LAMB2: variants seen among roughly 807,000 people sequenced by gnomAD.
LAMB2 encodes the protein laminin subunit beta 2.
In LAMB2, 119 loss-of-function variants were observed where a neutral mutation model predicts 202.7. The ratio of observed to expected loss-of-function variants is 0.59; its 90% confidence interval spans 0.51 to 0.68. The LOEUF (loss-of-function observed/expected upper bound fraction) is 0.68. Among genes scored for constraint, LAMB2 ranks in the 30% least tolerant of loss-of-function variants. LAMB2 has a pLI of 0.00. For synonymous variants in LAMB2, 818 were observed against 902.2 expected (o/e 0.91, Z 1.67); for missense variants, 2,124 against 2,410.6 (o/e 0.88, Z 2.49).
chr3:49,126,279 T>G (rs2045414008), intron 16 of LAMB2, 86 bp downstream of exon 16: 2 of 1,607,788 alleles, frequency 1.2e-6, no homozygotes, highest in African/African-American at 2.7e-5. Context: ...GGCCTGCCTC[T>G]TCTGCCACAG....
Position 49,133,031 on chromosome 3 carries a change from A to G in LAMB2, c.-164T>C. 1.5e-6 allele frequency: 1 copy of G among 645,462 alleles called. No individual in the cohort carries two copies. The highest frequency in any genetic ancestry group is 2.8e-6 in the Non-Finnish European group (1 of 362,438). 40.0% of individuals were successfully genotyped at this position (645,462 alleles called of 1,614,324 possible). Reference sequence around the variant, plus strand: ...TGTCCAGCGGTCCCTCCGACAGCTTAGAGTCCAGCGACTTTGAGCAAAGTT... The same window carrying G: ...TGTCCAGCGGTCCCTCCGACAGCTTGGAGTCCAGCGACTTTGAGCAAAGTT... On this transcript the variant is annotated 5_prime_UTR_variant, in exon 1 of 32. Coordinates refer to ENST00000305544, the MANE Select transcript of LAMB2 (RefSeq NM_002292.4).
chr3:49,125,211 C>G (rs534949479), intron 19 of LAMB2, 42 bp from the exon 20 acceptor site: 22 of 1,613,496 alleles, frequency 1.4e-5, no homozygotes, highest in South Asian at 7.7e-5. Flanking sequence ...CCCTGGGAAG[C>G]CTGCCCACCA....
At position 49,122,171 on chromosome 3, in the gene LAMB2, C is replaced by A. The variant is rs771035328; in HGVS notation, c.4773G>T (p.Arg1591=). 1.9e-6 allele frequency: 3 copies of A among 1,613,478 alleles called. No homozygotes were observed. The African/African-American group carries it at 4.0e-5, about 22-fold the overall frequency. The change falls in exon 28 of 32, where the codon CGG becomes CGT. Residue 1591 remains arginine (R), a synonymous_variant. Transcript: ENST00000305544. Reference sequence around the variant, plus strand: ...CAGGGATGGGGTCAGACCTTGCCCGCCGTGCATCCTGCAGTAGCTGCTCGG... The same window carrying A: ...CAGGGATGGGGTCAGACCTTGCCCGACGTGCATCCTGCAGTAGCTGCTCGG... ...RRAEQLLQDA[R]RARSWAEDEK...
Position 49,131,513 on chromosome 3 carries a change from C to T in LAMB2, c.648+22G>A, listed in dbSNP as rs1430288992. ...CCCATCATCCCCAGCTTCCAGCCCC[C>T]AGCCCAGATGCCAGCCCTCACCTCG... On this transcript the variant is annotated intron_variant, in intron 5 of 31. Coordinates refer to ENST00000305544, the MANE Select transcript of LAMB2 (RefSeq NM_002292.4). The surrounding 1 kb of genome is among the most constrained non-coding windows in gnomAD (Gnocchi z 5.0). 1.2e-6 allele frequency: 2 copies of T among 1,613,928 alleles called. No individual in the cohort carries two copies. Among genetic ancestry groups the T allele is most frequent in the African/African-American group, 2.7e-5 (2 of 74,924 alleles).
At position 49,129,432 on chromosome 3, in the gene LAMB2, A is replaced by G. The variant is rs1444115811; in HGVS notation, c.1519-108T>C. 8.7e-7 allele frequency: 1 copy of G among 1,155,714 alleles called. No individual in the cohort carries two copies. The highest frequency in any genetic ancestry group is 1.5e-5 in the African/African-American group (1 of 65,406). 71.6% of individuals were successfully genotyped at this position (1,155,714 alleles called of 1,614,324 possible). On this transcript the variant is annotated intron_variant, in intron 11 of 31. Transcript: ENST00000305544. This position sits in a 1 kb window ranked among gnomAD's most constrained non-coding sequence, Gnocchi z 6.1. ...TAGCCTCAATCACCCCTCAGTGAAA[A>G]CATGCCCCCCAGACCACTGGCCCAC...
In LAMB2 at chr3:49,121,976, C is replaced by T. The variant is rs1317477085; in HGVS notation, c.4891G>A (p.Asp1631Asn). The change falls in exon 29 of 32, where the codon GAC (aspartate) becomes AAC (asparagine). Residue 1631 changes from aspartate (D) to asparagine (N), a missense_variant. Around this residue, in one of 3 missense-constraint regions of LAMB2, gnomAD observed 1,702 missense variants for 1,896.3 expected, o/e 0.90. Transcript: ENST00000305544. ...AGGGTCTGCTCTGTGTCCCGTGTGT[C>T]AGCCACTGCCCCCCGGATGGCACCC... ...AQGAIRGAVA[D>N]TRDTEQTLYQ... 1.2e-6 allele frequency: 2 copies of T among 1,614,008 alleles called. No homozygotes were observed. The highest frequency in any genetic ancestry group is 2.2e-5 in the South Asian group (2 of 91,088).
chr3:49,125,172 G>T lies in LAMB2; in HGVS notation c.2721-3C>A. 6.2e-7 allele frequency: 1 copy of T among 1,613,408 alleles called. No homozygotes were observed. The highest frequency in any genetic ancestry group is 8.5e-7 in the Non-Finnish European group (1 of 1,179,924). On this transcript the variant is annotated splice_polypyrimidine_tract_variant and splice_region_variant and intron_variant, in intron 19 of 31. Transcript: ENST00000305544. Reference sequence around the variant, plus strand: ...CCCCGTGGAAACCAGCAATGCACCTGCAGGGAGGAGGAAGAAGAAATGTGT... The same window carrying T: ...CCCCGTGGAAACCAGCAATGCACCTTCAGGGAGGAGGAAGAAGAAATGTGT...
In LAMB2 at chr3:49,122,852, G is replaced by A. The variant is rs140142444; in HGVS notation, c.4425C>T (p.Ser1475=). ...RALAEGGSIL[S]RVAETRRQAS... ...CCTGCCGACGAGTCTCAGCCACTCT[G>A]CTGAGGATGCTACCACCTTCTGCCA... is the stretch of plus-strand genomic sequence containing the variant. The change falls in exon 27 of 32, where the codon AGC becomes AGT. Residue 1475 remains serine (S), a synonymous_variant. Coordinates refer to ENST00000305544, the MANE Select transcript of LAMB2 (RefSeq NM_002292.4). 2.3e-5 allele frequency: 37 copies of A among 1,611,498 alleles called. No individual in the cohort carries two copies. In the African/African-American group the frequency reaches 4.7e-4, roughly 20 times the overall value.
Position 49,130,195 on chromosome 3 carries a change from T to C in LAMB2, c.1225+36A>G. ...CAGCTCTCTAGTTCCTGCCCCAGGC[T>C]CAGCTTTCTCTCCCCGTGCCCAATC... On this transcript the variant is annotated intron_variant, in intron 9 of 31. Transcript: ENST00000305544. The surrounding 1 kb of genome is among the most constrained non-coding windows in gnomAD (Gnocchi z 5.0). 1 of 1,611,690 alleles carries C rather than the reference T, an allele frequency of 6.2e-7. No homozygotes were observed. Among genetic ancestry groups the C allele is most frequent in the Non-Finnish European group, 8.5e-7 (1 of 1,178,764 alleles).
rs755787013 is a variant in LAMB2, at chr3:49,129,019, C to T, written c.1731+1G>A. ...CCTCTGCTTAGGGGGAGGCCCCACACCTGCCCTCGGGTGTCCTCAGCCTCC... is the reference window on the plus strand; with the variant it reads ...CCTCTGCTTAGGGGGAGGCCCCACATCTGCCCTCGGGTGTCCTCAGCCTCC... On this transcript the variant is annotated splice_donor_variant, in intron 13 of 31. Coordinates refer to ENST00000305544, the MANE Select transcript of LAMB2 (RefSeq NM_002292.4). LOFTEE classifies it high-confidence loss of function. This position sits in a 1 kb window ranked among gnomAD's most constrained non-coding sequence, Gnocchi z 6.1. 5 of 1,608,404 alleles carry T rather than the reference C, an allele frequency of 3.1e-6. No homozygotes were observed. The highest frequency in any genetic ancestry group is 2.2e-5 in the South Asian group (2 of 91,090).
In LAMB2 at chr3:49,131,338, C is replaced by A; in HGVS notation, c.712+41G>T. On this transcript the variant is annotated intron_variant, in intron 6 of 31. Coordinates refer to ENST00000305544, the MANE Select transcript of LAMB2 (RefSeq NM_002292.4). This position sits in a 1 kb window ranked among gnomAD's most constrained non-coding sequence, Gnocchi z 5.0. ...ACTGAGGCCCCAAATAGTCCCTAGC[C>A]GGACACGGACTGTGCCAGACTCAAA... is the stretch of plus-strand genomic sequence containing the variant. 3 of 1,605,080 alleles carry A rather than the reference C, an allele frequency of 1.9e-6. No individual in the cohort carries two copies. Among genetic ancestry groups the A allele is most frequent in the Admixed American group, 1.7e-5 (1 of 59,836 alleles).
rs548163763 is a variant in LAMB2 at position 49,125,978 on chromosome 3, T to C, written c.2333A>G (p.Asn778Ser). 4 of 1,614,056 alleles carry C rather than the reference T, an allele frequency of 2.5e-6. No homozygotes were observed. Among genetic ancestry groups the C allele is most frequent in the African/African-American group, 2.7e-5 (2 of 74,994 alleles). ...TCACAGACACTCACGCAGGGCACCA[T>C]TGTAGATGAGGGTGGACAGGCTGAT... ...LLISLSTLIY[N>S]GALPCQCNPQ... The change falls in exon 17 of 32, where the codon AAT becomes AGT. Residue 778 changes from asparagine to serine, a missense_variant. Physicochemically the swap from Asn to Ser is conservative, Grantham distance 46. This residue lies in a region of LAMB2 where 1,702 missense variants were observed against 1,896.3 expected (regional missense o/e 0.90). Coordinates refer to ENST00000305544, the MANE Select transcript of LAMB2 (RefSeq NM_002292.4).
At chr3:49,127,688 C>G (rs1181815464) in intron 15 of LAMB2, among the ~76,000 whole-genome samples, 1 of 150,714 alleles carries the variant, frequency 6.6e-6, no homozygotes, top group Admixed American at 6.6e-5. Flanking sequence ...GAGCAAGACT[C>G]CATCTCAAAA....
Position 49,125,826 on chromosome 3 carries a change from C to G in LAMB2, c.2409G>C (p.Leu803=). 1.2e-6 allele frequency: 2 copies of G among 1,614,168 alleles called. No individual in the cohort carries two copies. The highest frequency in any genetic ancestry group is 1.7e-6 in the Non-Finnish European group (2 of 1,180,022). Residue 803 remains leucine, a synonymous_variant, in exon 18 of 32, where the codon CTG becomes CTC. Coordinates refer to ENST00000305544, the MANE Select transcript of LAMB2 (RefSeq NM_002292.4). ...GGCGCCCAACCACTCCAGGCTTGCA[C>G]AGGCACTGACCACCATGAGGGTTGC... ...SECNPHGGQC[L]CKPGVVGRRC... is the part of the protein sequence containing the mutation.
Position 49,132,861 on chromosome 3 carries a change from G to A in LAMB2, c.7C>T (p.Leu3=). 1 of 1,614,026 alleles carries A rather than the reference G, an allele frequency of 6.2e-7. No individual in the cohort carries two copies. Among genetic ancestry groups the A allele is most frequent in the Non-Finnish European group, 8.5e-7 (1 of 1,179,954 alleles). Residue 3 remains leucine, a synonymous_variant, in exon 1 of 32, where the codon CTG becomes TTG. Transcript: ENST00000305544. The surrounding 1 kb of genome is among the most constrained non-coding windows in gnomAD (Gnocchi z 4.6). The part of the protein sequence containing the change: ME[L]TSRERGRGQP... ...CCCCTCCCTCTTTCCCTTGAGGTCA[G>A]CTCCATCCTGAAGAGGGGAACAGGG...
In LAMB2 at chr3:49,126,060, C is replaced by T; in HGVS notation, c.2251G>A (p.Glu751Lys). 1 of 1,614,148 alleles carries T rather than the reference C, an allele frequency of 6.2e-7. No individual in the cohort carries two copies. The highest frequency in any genetic ancestry group is 8.5e-7 in the Non-Finnish European group (1 of 1,180,028). Residue 751 changes from glutamate to lysine, a missense_variant, in exon 17 of 32, where the codon GAG (glutamate) becomes AAG (lysine). Around this residue, in one of 3 missense-constraint regions of LAMB2, gnomAD observed 1,702 missense variants for 1,896.3 expected, o/e 0.90. Transcript: ENST00000305544. Reference protein sequence around the residue: ...QATFERYQCHEEGLVPSKTSP... With the variant: ...QATFERYQCHKEGLVPSKTSP... ...GTCTTGCTGGGCACCAGACCCTCCT[C>T]ATGGCATTGGTAGCGTTCAAAGGTG...
chr3:49,128,604 G>A lies in LAMB2; in HGVS notation c.1891-19C>T. 6.2e-7 allele frequency: 1 copy of A among 1,614,246 alleles called. No individual in the cohort carries two copies. Among genetic ancestry groups the A allele is most frequent in the Non-Finnish European group, 8.5e-7 (1 of 1,180,040 alleles). The stretch of plus-strand genomic sequence containing the variant: ...CAGGGACCTGGGAAAACGGGATGAT[G>A]GAGGAGATGCTCCCACACCCAGAGG... On this transcript the variant is annotated intron_variant, in intron 14 of 31. Coordinates refer to ENST00000305544, the MANE Select transcript of LAMB2 (RefSeq NM_002292.4).
At position 49,124,998 on chromosome 3, in the gene LAMB2, C is replaced by T. The variant is rs1318152987; in HGVS notation, c.2884+8G>A. On this transcript the variant is annotated splice_region_variant and intron_variant, in intron 20 of 31. Transcript: ENST00000305544. ...ACCCTGATCCCACGCCTGCCCCCAT[C>T]CACTCACCCGTATAGCCTGCCCGGC... is the stretch of plus-strand genomic sequence containing the variant. 1 of 1,613,836 alleles carries T rather than the reference C, an allele frequency of 6.2e-7. No homozygotes were observed. The highest frequency in any genetic ancestry group is 8.5e-7 in the Non-Finnish European group (1 of 1,180,034).
At chr3:49,126,729 T>C (rs1415911948) in intron 15 of LAMB2, among the ~76,000 whole-genome samples, 1 of 152,184 alleles carries the variant, frequency 6.6e-6, no homozygotes, top group East Asian at 1.9e-4. Context: ...CTGTGCAGAC[T>C]CACTGGAAAT....
Sources: gnomAD v4.1 joint callset for allele counts (sites outside exome capture counted in the v4.1 genomes callset) on GRCh38, gnomAD v4.1.1 for gene constraint, gnomAD v4.1.1 regional missense constraint, Gnocchi (gnomAD v3.1) non-coding constraint, MANE v1.5 for transcripts, NCBI Gene and HGNC (gene_info 2026-07-23, HGNC 2026-07-21) for gene names.